The following GABRA4 variants were observed in gnomAD, a reference collection of about 807,000 sequenced individuals.
GABRA4 encodes gamma-aminobutyric acid type A receptor subunit alpha4, also known as gamma-aminobutyric acid receptor subunit alpha-4.
In GABRA4, 12 loss-of-function variants were observed where a neutral mutation model predicts 49.7. The ratio of observed to expected loss-of-function variants is 0.24; its 90% confidence interval spans 0.15 to 0.39. The LOEUF (loss-of-function observed/expected upper bound fraction) is 0.39, where lower values mean the gene tolerates loss of function less well. Among genes scored for constraint, GABRA4 ranks in the 10% least tolerant of loss-of-function variants. The pLI, the probability that GABRA4 is intolerant of heterozygous loss-of-function variation, is 1.00. For missense variants in GABRA4, 506 were observed against 686.0 expected, an observed-to-expected ratio of 0.74 and a Z score of 2.93; for synonymous variants, 288 against 240.2, an observed-to-expected ratio of 1.20 and a Z score of -1.84.
chr4:46,969,082 CAT>C (rs1367784741), intron 7 of GABRA4, among the ~76,000 whole-genome samples: 1 of 151,566 alleles, frequency 6.6e-6, no homozygotes, highest in African/African-American at 2.4e-5. Context: ...TGTTTTAACA[CAT>C]GAGGAAGCTG....
intron 2 of GABRA4, among the ~76,000 whole-genome samples, chr4:46,980,314 T>C (rs760403488): frequency 6.6e-6 from 1 of 151,040 alleles, no homozygotes; most frequent in Admixed American, 6.6e-5. Flanking sequence ...GAATGACATC[T>C]GCTATGAAGA....
intron 8 of GABRA4, among the ~76,000 whole-genome samples, chr4:46,933,025 A>C (rs1200069129): frequency 6.6e-6 from 1 of 152,196 alleles, no homozygotes; most frequent in East Asian, 1.9e-4. Flanking sequence ...GTCTAAGCAA[A>C]AATAAAAAGA....
chr4:46,958,350 T>A (rs1722438486), intron 8 of GABRA4, among the ~76,000 whole-genome samples: 1 of 151,970 alleles, frequency 6.6e-6, no homozygotes, highest in East Asian at 1.9e-4. Context: ...ATTTTTTTCA[T>A]AAGATACAGT....
rs2109929738 is a variant in GABRA4 at position 46,924,011 on chromosome 4, G to C, written c.*4214C>G. ...TTCATTTTTTTGTTTGTTTGTGGAA[G>C]TGGGAATGGAGGCTATAAGAACTCC... On this transcript the variant is annotated 3_prime_UTR_variant, in exon 9 of 9. Transcript: ENST00000264318. 1 of 152,206 alleles carries C rather than the reference G, an allele frequency of 6.6e-6. No individual in the cohort carries two copies. The highest frequency in any genetic ancestry group is 3.4e-3 in the Middle Eastern group (1 of 294). The allele number at this position is 152,206 out of a possible 1,614,324, so 9.4% of individuals were successfully genotyped here. A position where few individuals can be genotyped will look rare whatever the true frequency, so the allele number is the denominator to read the frequency against.
In GABRA4 at chr4:46,927,401, T is replaced by C. The variant is rs1234520544; in HGVS notation, c.*824A>G. On this transcript the variant is annotated 3_prime_UTR_variant, in exon 9 of 9. Coordinates refer to ENST00000264318, the MANE Select transcript of GABRA4 (RefSeq NM_000809.4). Reference sequence around the variant, plus strand: ...GCAATGTCCTCTGCTAGTTTATGGTTCTTTGGCATGCATTGACTGTTCTAC... The same window carrying C: ...GCAATGTCCTCTGCTAGTTTATGGTCCTTTGGCATGCATTGACTGTTCTAC... 1 of 152,508 alleles carries C rather than the reference T, an allele frequency of 6.6e-6. No individual in the cohort carries two copies. Among genetic ancestry groups the C allele is most frequent in the Non-Finnish European group, 1.5e-5 (1 of 67,992 alleles). The allele number at this position is 152,508 out of a possible 1,614,324, so 9.4% of individuals were successfully genotyped here.
chr4:46,924,058 C>T lies in GABRA4; in HGVS notation c.*4167G>A, dbSNP rs1000598126. On this transcript the variant is annotated 3_prime_UTR_variant, in exon 9 of 9. Coordinates refer to ENST00000264318, the MANE Select transcript of GABRA4 (RefSeq NM_000809.4). ...CTCCAAATCATTCTATAAAATTTAGCTTAAGATTATATCTGTGAAACCTTC... is the reference window on the plus strand; with the variant it reads ...CTCCAAATCATTCTATAAAATTTAGTTTAAGATTATATCTGTGAAACCTTC... The T allele has an allele frequency of 6.6e-6, 1 of 152,050 alleles. No homozygotes were observed. The highest frequency in any genetic ancestry group is 2.4e-5 in the African/African-American group (1 of 41,422). The allele number at this position is 152,050 out of a possible 1,614,324, so 9.4% of individuals were successfully genotyped here.
At chr4:46,985,103 G>A (rs1723486481) in intron 2 of GABRA4, among the ~76,000 whole-genome samples, 1 of 151,898 alleles carries the variant, frequency 6.6e-6, no homozygotes, top group Non-Finnish European at 1.5e-5. Flanking sequence ...ATGATCTATT[G>A]CAATATGCAA....
intron 4 of GABRA4, 80 bp downstream of exon 4, chr4:46,977,330 A>AAGGGAGGGAGGAGGGGAGGG: frequency 1.9e-6 from 1 of 540,470 alleles, no homozygotes; most frequent in South Asian, 2.9e-5. Context: ...GGGAGGGAGG[A>AAGGGAGGGAGGAGGGGAGGG]AGGAAGGAAG....
At chr4:46,977,290 G>GAGGA in intron 4 of GABRA4, 120 bp downstream of exon 4, 1 of 420,478 alleles carries the variant, frequency 2.4e-6, no homozygotes, top group Non-Finnish European at 4.3e-6. Context: ...GGAAGGGAGG[G>GAGGA]AGGAAGGGAG....
chr4:46,959,025 C>T (rs1290532058), intron 8 of GABRA4, among the ~76,000 whole-genome samples: 1 of 151,992 alleles, frequency 6.6e-6, no homozygotes, highest in Non-Finnish European at 1.5e-5. Context: ...ATTGAAATCT[C>T]TACTGAAATT....
At chr4:46,955,662 A>G (rs888171045) in intron 8 of GABRA4, among the ~76,000 whole-genome samples, 7 of 152,054 alleles carry the variant, frequency 4.6e-5, no homozygotes, top group Admixed American at 1.3e-4. Flanking sequence ...TTCCCAACAT[A>G]CTGACAGTTG....
rs11941138 is a variant in GABRA4 at position 46,985,875 on chromosome 4, T to C, written c.206-6777A>G. ...CTAAAAGACGTATTTCTTTCAGCTA[T>C]GCCTTCCCACCAATCTAATGTTAAA... On this transcript the variant is annotated intron_variant, in intron 2 of 8. Transcript: ENST00000264318. Among the ~76,000 whole-genome samples the C allele has an allele frequency of 3.0e-3, 457 of 152,136 alleles. 1 individual carries two copies. The highest frequency in any genetic ancestry group is 9.9e-3 in the African/African-American group (410 of 41,542).
At chr4:46,970,445 T>A (rs1238278749) in intron 7 of GABRA4, among the ~76,000 whole-genome samples, 2 of 151,510 alleles carry the variant, frequency 1.3e-5, no homozygotes, top group Non-Finnish European at 3.0e-5. Flanking sequence ...GACTGACATG[T>A]AGAACACATT....
rs1720910162 is a variant in GABRA4, at chr4:46,919,869, A to G, written c.*8356T>C. 1 of 151,844 alleles carries G rather than the reference A, an allele frequency of 6.6e-6. No individual in the cohort carries two copies. The highest frequency in any genetic ancestry group is 2.1e-4 in the South Asian group (1 of 4,830). The allele number at this position is 151,844 out of a possible 1,614,324, so 9.4% of individuals were successfully genotyped here. On this transcript the variant is annotated 3_prime_UTR_variant, in exon 9 of 9. Coordinates refer to ENST00000264318, the MANE Select transcript of GABRA4 (RefSeq NM_000809.4). ...ACAGACATTCAAAGTATTATCGCAT[A>G]GATACACCTTTGCATGAAAACCGGA... is the stretch of plus-strand genomic sequence containing the variant.
intron 4 of GABRA4, 76 bp downstream of exon 4, chr4:46,977,334 A>AGGGAGGAAGGGAGGGAGGAAGGGAGGG: frequency 1.3e-6 from 1 of 796,554 alleles, no homozygotes; most frequent in African/African-American, 2.0e-5. Context: ...GGGAGGAAGG[A>AGGGAGGAAGGGAGGGAGGAAGGGAGGG]AGGAAGGAAG....
rs1335047140 is a variant in GABRA4 at position 46,922,531 on chromosome 4, G to A, written c.*5694C>T. ...GATAAAAACTTTTTCAAGAAATAGA[G>A]GAAGAGTTTATATAAATAGGTCTCT... On this transcript the variant is annotated 3_prime_UTR_variant, in exon 9 of 9. Transcript: ENST00000264318. The A allele has an allele frequency of 1.3e-5, 2 of 151,914 alleles. No homozygotes were observed. Among genetic ancestry groups the A allele is most frequent in the African/African-American group, 4.8e-5 (2 of 41,378 alleles). 9.4% of individuals were successfully genotyped at this position (151,914 alleles called of 1,614,324 possible).
In GABRA4 at chr4:46,926,948, A is replaced by G. The variant is rs2109932738; in HGVS notation, c.*1277T>C. ...TATTAAACCTTAAAAAAACTCCCAA[A>G]AAAACCAACATGATGACTGCCCAGA... On this transcript the variant is annotated 3_prime_UTR_variant, in exon 9 of 9. Coordinates refer to ENST00000264318, the MANE Select transcript of GABRA4 (RefSeq NM_000809.4). 1 of 151,996 alleles carries G rather than the reference A, an allele frequency of 6.6e-6. No homozygotes were observed. Among genetic ancestry groups the G allele is most frequent in the East Asian group, 1.9e-4 (1 of 5,156 alleles). 9.4% of individuals were successfully genotyped at this position (151,996 alleles called of 1,614,324 possible).
At chr4:46,941,307 A>G (rs1277837099) in intron 8 of GABRA4, among the ~76,000 whole-genome samples, 1 of 152,068 alleles carries the variant, frequency 6.6e-6, no homozygotes, top group African/African-American at 2.4e-5. Context: ...AGGTTCTGAA[A>G]TCAGATAGAT....
At chr4:46,940,596 A>G (rs1392377841) in intron 8 of GABRA4, among the ~76,000 whole-genome samples, 1 of 152,040 alleles carries the variant, frequency 6.6e-6, no homozygotes, top group Non-Finnish European at 1.5e-5. Context: ...GCATATGTTG[A>G]ATTAGCCTAT....
Sources: gnomAD v4.1 joint callset for allele counts (sites outside exome capture counted in the v4.1 genomes callset) on GRCh38, gnomAD v4.1.1 for gene constraint, MANE v1.5 for transcripts, NCBI Gene and HGNC (gene_info 2026-07-23, HGNC 2026-07-21) for gene names.